GTF2H1: variants seen among roughly 807,000 people sequenced by gnomAD.
The protein encoded by GTF2H1 is general transcription factor IIH subunit 1.
GTF2H1 carries 16 observed loss-of-function variants against 71.2 expected under a neutral mutation model. The observed-to-expected ratio is 0.22, with a 90% CI of 0.15 to 0.34. The LOEUF (loss-of-function observed/expected upper bound fraction) is 0.34. GTF2H1 is among the 10% of genes least tolerant of loss of function. GTF2H1 has a pLI of 1.00. For synonymous variants in GTF2H1, 215 were observed against 219.0 expected (o/e 0.98, Z 0.16); for missense variants, 498 against 648.2 (o/e 0.77, Z 2.52).
In GTF2H1 at chr11:18,339,261, T is replaced by C. The variant is rs889293608; in HGVS notation, c.514-303T>C. ...ATTTACTAACCAAGGTTTGTAGTGA[T>C]TTTTATGACTATACAAGTTTTATCT... is the stretch of plus-strand genomic sequence containing the variant. On this transcript the variant is annotated intron_variant, in intron 4 of 14. Transcript: ENST00000265963. Among the ~76,000 whole-genome samples the C allele has an allele frequency of 3.0e-4, 45 of 152,230 alleles. 1 individual carries two copies. The highest frequency in any genetic ancestry group is 1.2e-4 in the Non-Finnish European group (8 of 68,044).
intron 3 of GTF2H1, among the ~76,000 whole-genome samples, chr11:18,337,405 A>G (rs1028554714): frequency 6.6e-6 from 1 of 152,180 alleles, no homozygotes; most frequent in Admixed American, 6.5e-5. Context: ...AGATCATGCC[A>G]GTGCACTCTA....
At chr11:18,338,751 C>T (rs1865090799) in intron 4 of GTF2H1, among the ~76,000 whole-genome samples, 1 of 152,166 alleles carries the variant, frequency 6.6e-6, no homozygotes, top group Admixed American at 6.5e-5. Flanking sequence ...ACTCAGCCCT[C>T]TTCCAAAATG....
chr11:18,343,791 C>CA (rs1865219706), intron 7 of GTF2H1, among the ~76,000 whole-genome samples: 1 of 152,126 alleles, frequency 6.6e-6, no homozygotes, highest in Non-Finnish European at 1.5e-5. Flanking sequence ...AAAAGCATTA[C>CA]AATTTGCTCA....
intron 7 of GTF2H1, among the ~76,000 whole-genome samples, chr11:18,344,438 G>T (rs1056375859): frequency 1.3e-5 from 2 of 152,072 alleles, no homozygotes; most frequent in Admixed American, 1.3e-4. Context: ...GGCCAACATG[G>T]TGAAACCCCA....
chr11:18,353,328 G>T (rs1262729626), intron 11 of GTF2H1, among the ~76,000 whole-genome samples: 2 of 152,198 alleles, frequency 1.3e-5, no homozygotes, highest in African/African-American at 4.8e-5. Flanking sequence ...TAGTCTGAGT[G>T]CCTTTGTCTG....
At position 18,348,083 on chromosome 11, in the gene GTF2H1, T is replaced by G. The variant is rs1302902623; in HGVS notation, c.1053+164T>G. 4.8e-6 allele frequency: 3 copies of G among 629,688 alleles called. No homozygotes were observed. The East Asian group carries it at 8.3e-5, about 17-fold the overall frequency. The allele number at this position is 629,688 out of a possible 1,614,324, so 39.0% of individuals were successfully genotyped here. Reference sequence around the variant, plus strand: ...GCATTACAAAGAGTATTTCCCCAGCTTTGGCTTGCCAGCCAACTTTCCATT... The same window carrying G: ...GCATTACAAAGAGTATTTCCCCAGCGTTGGCTTGCCAGCCAACTTTCCATT... On this transcript the variant is annotated intron_variant, in intron 9 of 14. Coordinates refer to ENST00000265963, the MANE Select transcript of GTF2H1 (RefSeq NM_005316.4).
chr11:18,338,468 G>A (rs1449544432), intron 4 of GTF2H1, among the ~76,000 whole-genome samples, 194 bp downstream of exon 4: 3 of 152,056 alleles, frequency 2.0e-5, no homozygotes, highest in Non-Finnish European at 4.4e-5. Context: ...TTAAAAGACA[G>A]GGTCTCACTC....
At chr11:18,334,574 A>G (rs144131974) in intron 2 of GTF2H1, among the ~76,000 whole-genome samples, 5 of 152,322 alleles carry the variant, frequency 3.3e-5, no homozygotes, top group Non-Finnish European at 5.9e-5. Flanking sequence ...CAGTATGCCC[A>G]TCTCCAATTT....
chr11:18,323,744 A>G lies in GTF2H1; in HGVS notation c.-16+1004A>G, dbSNP rs994455246. On this transcript the variant is annotated intron_variant, in intron 1 of 14. Transcript: ENST00000265963. The stretch of plus-strand genomic sequence containing the variant: ...CATGCTCTGGTGGAACTAAATTTAA[A>G]AGGGCCAGGCCCCACCACCCCACTT... Among the ~76,000 whole-genome samples the G allele has an allele frequency of 7.9e-5, 12 of 152,222 alleles. No individual in the cohort carries two copies. The East Asian group carries it at 2.1e-3, about 27-fold the overall frequency.
At chr11:18,352,133 A>G (rs533712771) in intron 10 of GTF2H1, 164 bp downstream of exon 10, 2 of 624,360 alleles carry the variant, frequency 3.2e-6, no homozygotes, top group Non-Finnish European at 5.8e-6. Flanking sequence ...GATCAAACCC[A>G]TGACAATAAA....
Position 18,339,612 on chromosome 11 carries a change from T to C in GTF2H1, c.562T>C (p.Leu188=). ...TGGCTGTAACGGTCTAAGATATAATTTAACTTCTGATATCATTGAGTCCAT... is the reference window on the plus strand; with the variant it reads ...TGGCTGTAACGGTCTAAGATATAATCTAACTTCTGATATCATTGAGTCCAT... ...TDGCNGLRYN[L]TSDIIESIFR... is the part of the protein sequence containing the mutation. Residue 188 remains leucine, a synonymous_variant, in exon 5 of 15, where the codon TTA becomes CTA. Coordinates refer to ENST00000265963, the MANE Select transcript of GTF2H1 (RefSeq NM_005316.4). 6.2e-7 allele frequency: 1 copy of C among 1,613,462 alleles called. No individual in the cohort carries two copies. The highest frequency in any genetic ancestry group is 8.5e-7 in the Non-Finnish European group (1 of 1,179,416).
At chr11:18,351,237 A>AAAAAATT (rs59500473) in intron 9 of GTF2H1, among the ~76,000 whole-genome samples, 1 of 151,044 alleles carries the variant, frequency 6.6e-6, no homozygotes, top group South Asian at 2.1e-4. Flanking sequence ...GAAAAAAAAA[A>AAAAAATT]TTTTTTAAGC....
intron 14 of GTF2H1, among the ~76,000 whole-genome samples, chr11:18,365,075 A>G (rs1865787844): frequency 1.3e-5 from 2 of 150,138 alleles, no homozygotes; most frequent in South Asian, 4.2e-4. Flanking sequence ...ACTATTTAAA[A>G]AAGAAAAAAA....
At chr11:18,332,015 G>A (rs984372230) in intron 1 of GTF2H1, among the ~76,000 whole-genome samples, 2 of 151,902 alleles carry the variant, frequency 1.3e-5, no homozygotes, top group African/African-American at 2.4e-5. Flanking sequence ...TTGTACAGAC[G>A]GGGTCTCACT....
chr11:18,362,668 C>CTTTTTTT (rs35306497), intron 14 of GTF2H1, among the ~76,000 whole-genome samples: 28 of 107,926 alleles, frequency 2.6e-4, no homozygotes, highest in Non-Finnish European at 3.0e-4. Context: ...TTTTCTTTTT[C>CTTTTTTT]TTTTTTTTTT....
intron 1 of GTF2H1, among the ~76,000 whole-genome samples, chr11:18,327,145 AAC>A (rs1864786543): frequency 6.6e-6 from 1 of 152,194 alleles, no homozygotes; most frequent in South Asian, 2.1e-4. Flanking sequence ...GAAAATAGAA[AAC>A]ACTGTTTTCA....
Position 18,347,886 on chromosome 11 carries a change from A to G in GTF2H1, c.1020A>G (p.Gly340=), listed in dbSNP as rs754138644. Residue 340 remains glycine (G), a synonymous_variant, in exon 9 of 15, where the codon GGA becomes GGG. Coordinates refer to ENST00000265963, the MANE Select transcript of GTF2H1 (RefSeq NM_005316.4). ...CCAGCAACATGGATGGAAATTCCGG[A>G]GATGCAGACTGCTTTCAGCCAGCAG... ...SEPSNMDGNS[G]DADCFQPAVK... 1.2e-6 allele frequency: 2 copies of G among 1,613,670 alleles called. No homozygotes were observed. Among genetic ancestry groups the G allele is most frequent in the Non-Finnish European group, 1.7e-6 (2 of 1,179,722 alleles).
intron 9 of GTF2H1, among the ~76,000 whole-genome samples, chr11:18,350,645 G>C (rs1283858830): frequency 1.3e-5 from 2 of 152,124 alleles, no homozygotes; most frequent in Admixed American, 1.3e-4. Flanking sequence ...CTTAAAGCTG[G>C]AGCAATTTAA....
intron 7 of GTF2H1, chr11:18,347,293 G>C (rs1188177039): frequency 5.2e-6 from 1 of 192,982 alleles, no homozygotes; most frequent in Non-Finnish European, 1.1e-5. Context: ...AGAATCACTT[G>C]AATGCAGGAG....
Sources: gnomAD v4.1 joint callset for allele counts (sites outside exome capture counted in the v4.1 genomes callset) on GRCh38, gnomAD v4.1.1 for gene constraint, MANE v1.5 for transcripts, NCBI Gene and HGNC (gene_info 2026-07-23, HGNC 2026-07-21) for gene names.